The following SMYD3 variants were observed in gnomAD, a reference collection of about 807,000 sequenced individuals.
SMYD3 encodes SET and MYND domain containing 3, also known as histone-lysine N-methyltransferase SMYD3.
A neutral mutation model predicts 57.7 loss-of-function variants in SMYD3; 36 were observed. The observed-to-expected ratio is 0.62, with a 90% CI of 0.48 to 0.82. The LOEUF (loss-of-function observed/expected upper bound fraction) is 0.82, where lower values mean the gene tolerates loss of function less well. Ranked by LOEUF, SMYD3 falls within the 40% of genes least tolerant of loss-of-function variation. The pLI, the probability that SMYD3 is intolerant of heterozygous loss-of-function variation, is 0.00. For missense variants in SMYD3, 515 were observed against 538.8 expected (o/e 0.96, Z 0.44); for synonymous variants, 211 against 195.0 (o/e 1.08, Z -0.68).
chr1:246,429,524 C>CTA (rs1485088834), intron 1 of SMYD3, among the ~76,000 whole-genome samples: 5 of 152,168 alleles, frequency 3.3e-5, no homozygotes, highest in African/African-American at 1.2e-4. Context: ...TTGTAAAAAT[C>CTA]CATAACTGCT....
chr1:246,067,162 G>A (rs922739786), intron 5 of SMYD3, among the ~76,000 whole-genome samples: 5 of 152,166 alleles, frequency 3.3e-5, no homozygotes, highest in Admixed American at 1.3e-4. Context: ...CACAAAGATC[G>A]TGATTCTCTT....
At chr1:246,171,810 A>G (rs1027861965) in intron 5 of SMYD3, among the ~76,000 whole-genome samples, 1 of 152,180 alleles carries the variant, frequency 6.6e-6, no homozygotes, top group African/African-American at 2.4e-5. Context: ...CGGGAGTTTG[A>G]GACCAGACTG....
chr1:246,173,333 G>A (rs980466285), intron 5 of SMYD3, among the ~76,000 whole-genome samples: 1 of 152,192 alleles, frequency 6.6e-6, no homozygotes, highest in Non-Finnish European at 1.5e-5. Flanking sequence ...AACACTCACT[G>A]TATTCTACTC....
chr1:246,457,093 T>A (rs2067709905), intron 1 of SMYD3, among the ~76,000 whole-genome samples: 1 of 152,312 alleles, frequency 6.6e-6, no homozygotes, highest in Non-Finnish European at 1.5e-5. Context: ...TTGTATAGAC[T>A]TTTAAAACAG....
At chr1:245,970,442 A>G (rs1209804057) in intron 5 of SMYD3, among the ~76,000 whole-genome samples, 1 of 152,234 alleles carries the variant, frequency 6.6e-6, no homozygotes, top group African/African-American at 2.4e-5. Flanking sequence ...AATGGCAACA[A>G]AAGCCAAAAT....
chr1:246,023,675 C>T (rs572869172), intron 5 of SMYD3, among the ~76,000 whole-genome samples: 5 of 152,046 alleles, frequency 3.3e-5, no homozygotes, highest in Non-Finnish European at 7.4e-5. Flanking sequence ...AAGAGAGGGA[C>T]ATACAACAAA....
chr1:246,443,969 C>T (rs1012900729), intron 1 of SMYD3, among the ~76,000 whole-genome samples: 1 of 152,080 alleles, frequency 6.6e-6, no homozygotes, highest in Non-Finnish European at 1.5e-5. Flanking sequence ...CCTCACCACC[C>T]ATCACCACCA....
chr1:245,892,681 A>AT (rs2053464920), intron 8 of SMYD3, among the ~76,000 whole-genome samples: 1 of 152,232 alleles, frequency 6.6e-6, no homozygotes, highest in African/African-American at 2.4e-5. Context: ...TACTAGAATC[A>AT]TTGGCTATCC....
chr1:246,015,981 T>G (rs2059370219), intron 5 of SMYD3, among the ~76,000 whole-genome samples: 1 of 152,138 alleles, frequency 6.6e-6, no homozygotes, highest in African/African-American at 2.4e-5. Flanking sequence ...TAGAGAGCAT[T>G]TTGAAATGTG....
At chr1:246,113,432 A>G (rs1426397832) in intron 5 of SMYD3, among the ~76,000 whole-genome samples, 1 of 152,218 alleles carries the variant, frequency 6.6e-6, no homozygotes, top group African/African-American at 2.4e-5. Context: ...CCACATGAAG[A>G]TAAAGTTAGT....
At chr1:246,230,275 C>T (rs1392550818) in intron 5 of SMYD3, among the ~76,000 whole-genome samples, 2 of 152,076 alleles carry the variant, frequency 1.3e-5, no homozygotes, top group Non-Finnish European at 2.9e-5. Context: ...ATCTTTTTTT[C>T]ACATGTAAAG....
chr1:246,054,873 TA>T (rs749022916), intron 5 of SMYD3, among the ~76,000 whole-genome samples: 8,923 of 79,116 alleles, frequency 0.11, 443 homozygotes, highest in South Asian at 0.29. Flanking sequence ...AGGATGACTA[TA>T]AAAAAAAAAA....
chr1:246,333,615 T>C, intron 3 of SMYD3, among the ~76,000 whole-genome samples: 1 of 152,012 alleles, frequency 6.6e-6, no homozygotes, highest in Non-Finnish European at 1.5e-5. Flanking sequence ...CTCGCACCTA[T>C]ATAATCCCAG....
chr1:246,495,141 A>G (rs899196490), intron 1 of SMYD3, among the ~76,000 whole-genome samples: 3 of 152,040 alleles, frequency 2.0e-5, no homozygotes, highest in Non-Finnish European at 2.9e-5. Context: ...CGAGGTCAGG[A>G]GATCGAGACC....
rs555461124 is a variant in SMYD3 at position 245,868,002 on chromosome 1, T to G, written c.814-4116A>C. 2.6e-5 allele frequency among the ~76,000 whole-genome samples: 4 copies of G among 152,376 alleles called. No homozygotes were observed. In the East Asian group the frequency reaches 7.7e-4, roughly 29 times the overall value. On this transcript the variant is annotated intron_variant, in intron 8 of 11. Transcript: ENST00000490107. ...TCTTTAGAGCTGAATATAGGTCTTA[T>G]TCTTCTTTGATCCTGCCTCTCCCAA...
At chr1:246,463,372 C>G (rs1012860526) in intron 1 of SMYD3, among the ~76,000 whole-genome samples, 2 of 151,986 alleles carry the variant, frequency 1.3e-5, no homozygotes, top group Non-Finnish European at 2.9e-5. Context: ...GAGGATGTCA[C>G]AAGGACAAAA....
At chr1:245,796,265 AAAAAT>A (rs1255308593) in intron 10 of SMYD3, among the ~76,000 whole-genome samples, 1 of 152,222 alleles carries the variant, frequency 6.6e-6, no homozygotes, top group African/African-American at 2.4e-5. Flanking sequence ...ATATTTTATC[AAAAAT>A]AAAATATAAT....
chr1:246,211,223 C>A (rs1344266201), intron 5 of SMYD3, among the ~76,000 whole-genome samples: 2 of 152,098 alleles, frequency 1.3e-5, no homozygotes, highest in African/African-American at 4.8e-5. Context: ...AAGAAAAATT[C>A]TTTGACAGCT....
chr1:246,208,889 C>G (rs1466540227), intron 5 of SMYD3, among the ~76,000 whole-genome samples: 1 of 152,092 alleles, frequency 6.6e-6, no homozygotes, highest in Non-Finnish European at 1.5e-5. Context: ...TCTTTCCACT[C>G]AAGCATAATT....
Sources: gnomAD v4.1 joint callset for allele counts (sites outside exome capture counted in the v4.1 genomes callset) on GRCh38, gnomAD v4.1.1 for gene constraint, MANE v1.5 for transcripts, NCBI Gene and HGNC (gene_info 2026-07-23, HGNC 2026-07-21) for gene names.